The following TET2 variants were observed in gnomAD, a reference collection of about 807,000 sequenced individuals.
The protein encoded by TET2 is methylcytosine dioxygenase TET2.
In TET2, 299 loss-of-function variants were observed where a neutral mutation model predicts 142.9. The ratio of observed to expected loss-of-function variants is 2.09; its 90% CI spans 1.90 to 2.30. TET2 has a LOEUF of 2.30. Among genes scored for constraint, TET2 ranks in the 30% most tolerant of loss-of-function variants. The pLI, the probability that TET2 is intolerant of heterozygous loss-of-function variation, is 0.00. For missense variants in TET2, 2,418 were observed against 2,378.0 expected, an observed-to-expected ratio of 1.02 and a Z score of -0.35; for synonymous variants, 819 against 849.0, an observed-to-expected ratio of 0.96 and a Z score of 0.61.
chr4:105,235,798 C>G lies in TET2; in HGVS notation c.1856C>G (p.Ala619Gly), dbSNP rs377368833. 2.5e-6 allele frequency: 4 copies of G among 1,614,058 alleles called. No homozygotes were observed. Among genetic ancestry groups the G allele is most frequent in the Non-Finnish European group, 2.5e-6 (3 of 1,179,986 alleles). ...ATGCCTGGGGGGCTCCCAAGGCAAG[C>G]TTACACCCAGAAAACAACACAGCTG... ...SNMPGGLPRQ[A>G]YTQKTTQLEH... is the part of the protein sequence containing the mutation. The change falls in exon 3 of 11, where the codon GCT becomes GGT. Residue 619 changes from alanine to glycine, a missense_variant. Coordinates refer to ENST00000380013, the MANE Select transcript of TET2 (RefSeq NM_001127208.3).
chr4:105,169,331 A>G (rs1724325799), intron 1 of TET2, among the ~76,000 whole-genome samples: 1 of 152,108 alleles, frequency 6.6e-6, no homozygotes, highest in Non-Finnish European at 1.5e-5. Flanking sequence ...ATCATTAGTG[A>G]TATTGAACAT....
At chr4:105,232,990 A>G (rs1728593170) in intron 2 of TET2, among the ~76,000 whole-genome samples, 1 of 152,164 alleles carries the variant, frequency 6.6e-6, no homozygotes, top group Admixed American at 6.5e-5. Context: ...AGAATATGAC[A>G]TCAGATTTGC....
chr4:105,180,999 C>T (rs1349320002), intron 1 of TET2, among the ~76,000 whole-genome samples: 2 of 152,100 alleles, frequency 1.3e-5, no homozygotes, highest in Non-Finnish European at 2.9e-5. Flanking sequence ...GTTGCCTTCC[C>T]TAATTATGTA....
intron 6 of TET2, among the ~76,000 whole-genome samples, chr4:105,258,665 T>C (rs1730263776): frequency 6.6e-6 from 1 of 152,218 alleles, no homozygotes; most frequent in Admixed American, 6.5e-5. Context: ...TATCTTTTGT[T>C]CTGCTTCTCT....
intron 9 of TET2, among the ~76,000 whole-genome samples, chr4:105,272,068 G>T (rs1029076793): frequency 6.6e-6 from 1 of 152,168 alleles, no homozygotes; most frequent in Non-Finnish European, 1.5e-5. Flanking sequence ...AACAGAGAGA[G>T]TTAGGTGTCA....
chr4:105,146,284 TC>T (rs1456271804), upstream of TET2: 1 of 152,412 alleles, frequency 6.6e-6, no homozygotes, highest in East Asian at 1.9e-4. Context: ...CACGTCTTTG[TC>T]CAGGCACCCG....
chr4:105,179,706 T>TATCAGAG (rs1475474545), intron 1 of TET2, among the ~76,000 whole-genome samples: 1 of 152,230 alleles, frequency 6.6e-6, no homozygotes, highest in Non-Finnish European at 1.5e-5. Flanking sequence ...ATGACTTCAT[T>TATCAGAG]CATGGCTCTC....
chr4:105,166,909 T>C (rs1035438957), intron 1 of TET2, among the ~76,000 whole-genome samples: 1 of 152,100 alleles, frequency 6.6e-6, no homozygotes, highest in Middle Eastern at 3.2e-3. Context: ...TTCCTCCAGA[T>C]ATGGCTCTGT....
chr4:105,235,923 C>T lies in TET2; in HGVS notation c.1981C>T (p.His661Tyr), dbSNP rs776554884. The T allele has an allele frequency of 6.2e-7, 1 of 1,614,110 alleles. No individual in the cohort carries two copies. Among genetic ancestry groups the T allele is most frequent in the Non-Finnish European group, 8.5e-7 (1 of 1,180,020 alleles). The part of the protein sequence containing the change: ...LQFQKPSHQV[H>Y]FSKTDHLPKA... ...GTTCCAAAAACCCTCACACCAGGTG[C>T]ACTTCTCCAAAACAGACCATTTACC... The change falls in exon 3 of 11, where the codon CAC becomes TAC. Residue 661 changes from histidine to tyrosine, a missense_variant. Physicochemically the swap from His to Tyr is moderately conservative, Grantham distance 83. Coordinates refer to ENST00000380013, the MANE Select transcript of TET2 (RefSeq NM_001127208.3).
chr4:105,195,138 C>T (rs932804981), intron 2 of TET2, among the ~76,000 whole-genome samples: 3 of 152,088 alleles, frequency 2.0e-5, no homozygotes, highest in African/African-American at 7.2e-5. Context: ...TAGACTGCAC[C>T]TTATGAAAGT....
intron 3 of TET2, 167 bp downstream of exon 3, chr4:105,237,518 T>G (rs1560548717): frequency 1.9e-6 from 3 of 1,585,450 alleles, no homozygotes; most frequent in East Asian, 4.5e-5. Context: ...CCGATGCTTG[T>G]GTCTTGTGAA....
chr4:105,219,824 A>G (rs942264056), intron 2 of TET2, among the ~76,000 whole-genome samples: 2 of 152,122 alleles, frequency 1.3e-5, no homozygotes, highest in Non-Finnish European at 1.5e-5. Context: ...TACCCTCATT[A>G]TATAGTATTT....
intron 2 of TET2, among the ~76,000 whole-genome samples, chr4:105,230,324 G>T (rs537411988): frequency 6.6e-6 from 1 of 152,336 alleles, no homozygotes; most frequent in East Asian, 1.9e-4. Flanking sequence ...GATTATAGGC[G>T]TGAGCTACCA....
chr4:105,180,434 A>G (rs1725047708), intron 1 of TET2, among the ~76,000 whole-genome samples: 1 of 152,108 alleles, frequency 6.6e-6, no homozygotes, highest in Non-Finnish European at 1.5e-5. Flanking sequence ...GATAAAATAT[A>G]TACAATTGTG....
intron 1 of TET2, among the ~76,000 whole-genome samples, chr4:105,160,241 T>G (rs150386908): frequency 1.3e-5 from 2 of 152,280 alleles, no homozygotes; most frequent in African/African-American, 4.8e-5. Context: ...ACAACAAAGC[T>G]TTAAGTCTCT....
intron 6 of TET2, among the ~76,000 whole-genome samples, chr4:105,254,954 A>G (rs889944329): frequency 2.0e-5 from 3 of 152,174 alleles, no homozygotes; most frequent in African/African-American, 4.8e-5. Context: ...TTCCTATCCC[A>G]ACACTGGTTC....
Position 105,236,375 on chromosome 4 carries a change from T to C in TET2, c.2433T>C (p.Asn811=). The stretch of plus-strand genomic sequence containing the variant: ...AAATGGGACTGGAGGAAGTACAGAA[T>C]ATAAATCGTAGAAATTCCCCTTATA... ...NVQMGLEEVQ[N]INRRNSPYSQ... is the part of the protein sequence containing the mutation. Residue 811 remains asparagine (N), a synonymous_variant, in exon 3 of 11, where the codon AAT becomes AAC. Coordinates refer to ENST00000380013, the MANE Select transcript of TET2 (RefSeq NM_001127208.3). The C allele has an allele frequency of 6.2e-7, 1 of 1,613,942 alleles. No homozygotes were observed.
chr4:105,244,899 A>T (rs1320031556), intron 6 of TET2, among the ~76,000 whole-genome samples: 5 of 152,158 alleles, frequency 3.3e-5, no homozygotes, highest in African/African-American at 1.2e-4. Context: ...CAGAAATCTT[A>T]CAAGTTATTT....
chr4:105,180,710 C>T (rs1428817947), intron 1 of TET2, among the ~76,000 whole-genome samples: 1 of 151,786 alleles, frequency 6.6e-6, no homozygotes, highest in Non-Finnish European at 1.5e-5. Flanking sequence ...CACGATCTTG[C>T]CTCACTGCAA....
Sources: gnomAD v4.1 joint callset for allele counts (sites outside exome capture counted in the v4.1 genomes callset) on GRCh38, gnomAD v4.1.1 for gene constraint, MANE v1.5 for transcripts, NCBI Gene and HGNC (gene_info 2026-07-23, HGNC 2026-07-21) for gene names.